The following PBRM1 variants were observed in gnomAD, a reference collection of about 807,000 sequenced individuals.
PBRM1 encodes the protein polybromo 1, also known as protein polybromo-1.
A neutral mutation model predicts 194.5 loss-of-function variants in PBRM1; 27 were observed. That is an observed-to-expected ratio of 0.14 (90% CI 0.10 to 0.19). The LOEUF (loss-of-function observed/expected upper bound fraction) is 0.19. Ranked by LOEUF, PBRM1 falls within the 10% of genes least tolerant of loss-of-function variation. The probability of loss-of-function intolerance (pLI) is 1.00; values close to 1 mark genes in which losing one functional copy is unlikely to be tolerated. For synonymous variants in PBRM1, 655 were observed against 693.2 expected (o/e 0.94, Z 0.87); for missense variants, 1,466 against 2,077.2 (o/e 0.71, Z 5.72).
intron 17 of PBRM1, among the ~76,000 whole-genome samples, chr3:52,603,124 G>A (rs2094118796): frequency 6.6e-6 from 1 of 152,140 alleles, no homozygotes; most frequent in Admixed American, 6.5e-5. Flanking sequence ...TACTTGTCTG[G>A]TCCAAAGTAT....
At chr3:52,607,834 C>T (rs900286235) in intron 16 of PBRM1, among the ~76,000 whole-genome samples, 8 of 152,154 alleles carry the variant, frequency 5.3e-5, no homozygotes, top group Non-Finnish European at 4.4e-5. Context: ...TACTCAATTG[C>T]TGAAGAACCA....
At chr3:52,651,857 CTA>C in intron 5 of PBRM1, 47 bp from the exon 7 acceptor site, 1 of 1,248,670 alleles carries the variant, frequency 8.0e-7, no homozygotes, top group Non-Finnish European at 1.2e-6. Context: ...AACTATTCAG[CTA>C]ATGAAAAGAG....
intron 3 of PBRM1, among the ~76,000 whole-genome samples, chr3:52,662,652 C>A (rs550758366): frequency 2.9e-4 from 44 of 152,020 alleles, no homozygotes; most frequent in African/African-American, 9.9e-4. Flanking sequence ...ATGGTGAAAC[C>A]CCGTCTCTAC....
exon 20 of PBRM1, chr3:52,586,529 C>T: frequency 6.2e-7 from 1 of 1,614,058 alleles, no homozygotes; most frequent in Non-Finnish European, 8.5e-7. Context: ...GCCACGCGAA[C>T]CACAGGCAGA....
intron 23 of PBRM1, 35 bp downstream of exon 25, chr3:52,564,015 A>AG: frequency 6.9e-7 from 1 of 1,442,326 alleles, no homozygotes; most frequent in East Asian, 2.3e-5. Context: ...AGTTAATGGA[A>AG]GTGCTCTTTT....
intron 6 of PBRM1, among the ~76,000 whole-genome samples, chr3:52,649,212 G>A (rs767731038): frequency 1.2e-4 from 18 of 152,108 alleles, no homozygotes; most frequent in Non-Finnish European, 2.5e-4. Context: ...CAACAACTAC[G>A]CATCCTTCTT....
chr3:52,644,761 T>A (rs772781719), exon 8 of PBRM1: 10 of 1,532,414 alleles, frequency 6.5e-6, no homozygotes, highest in African/African-American at 1.4e-5. Flanking sequence ...CTTTTTCATA[T>A]AAAATATTTT....
At chr3:52,561,854 G>A (rs2083618074) in exon 25 of PBRM1, 1 of 1,614,148 alleles carries the variant, frequency 6.2e-7, no homozygotes, top group Non-Finnish European at 8.5e-7. Context: ...TAGTCTGGGT[G>A]TTGGGCCTTA....
Position 52,581,527 on chromosome 3 carries a change from G to A in PBRM1, c.3388-2328C>T, listed in dbSNP as rs906262320. Among the ~76,000 whole-genome samples, 8 of 151,406 alleles carry A rather than the reference G, an allele frequency of 5.3e-5. No homozygotes were observed. The South Asian group carries it at 8.3e-4, about 16-fold the overall frequency. Reference sequence around the variant, plus strand: ...AAAAAAAAAAAAAAAGAATCAGAGAGGTTCCATATACATGACAGGCAAGGG... The same window carrying A: ...AAAAAAAAAAAAAAAGAATCAGAGAAGTTCCATATACATGACAGGCAAGGG... On this transcript the variant is annotated intron_variant, in intron 20 of 29. Coordinates refer to ENST00000296302, the Ensembl canonical transcript of PBRM1.
chr3:52,635,771 A>T (rs778218308), intron 10 of PBRM1, among the ~76,000 whole-genome samples: 1 of 152,224 alleles, frequency 6.6e-6, no homozygotes, highest in Non-Finnish European at 1.5e-5. Context: ...GGCCAAAAGG[A>T]GCAAGTAACC....
At chr3:52,547,507 C>T (rs149122651), downstream of PBRM1, 4 of 233,608 alleles carry the variant, frequency 1.7e-5, no homozygotes, top group East Asian at 1.2e-4. Context: ...GAAAGCACTT[C>T]ATCTGTAAGA....
At chr3:52,658,383 A>G (rs2096650459) in intron 4 of PBRM1, 68 bp from the exon 6 acceptor site, 2 of 822,256 alleles carry the variant, frequency 2.4e-6, no homozygotes, top group Non-Finnish European at 4.0e-6. Flanking sequence ...CATAGCTTCT[A>G]AAATTGTAGA....
intron 17 of PBRM1, among the ~76,000 whole-genome samples, chr3:52,595,115 A>G (rs2093428585): frequency 6.6e-6 from 1 of 152,032 alleles, no homozygotes; most frequent in Admixed American, 6.6e-5. Context: ...TGGCTTCTGA[A>G]TTGTCAGAGT....
intron 17 of PBRM1, among the ~76,000 whole-genome samples, chr3:52,595,971 G>A (rs1475023506): frequency 6.6e-6 from 1 of 152,066 alleles, no homozygotes; most frequent in Non-Finnish European, 1.5e-5. Flanking sequence ...ATTTGTTTCT[G>A]GGTTCTCTAC....
chr3:52,546,068 G>A (rs1179688004), downstream of PBRM1: 2 of 233,060 alleles, frequency 8.6e-6, no homozygotes, highest in East Asian at 1.2e-4. Flanking sequence ...AGCACCTCTA[G>A]GCACTGGGAA....
At chr3:52,586,529 C>A (rs1161005639) in exon 20 of PBRM1, 1 of 1,614,058 alleles carries the variant, frequency 6.2e-7, no homozygotes, top group South Asian at 1.1e-5. Context: ...GCCACGCGAA[C>A]CACAGGCAGA....
intron 2 of PBRM1, among the ~76,000 whole-genome samples, chr3:52,675,712 C>T (rs1194835292): frequency 8.5e-5 from 13 of 152,290 alleles, no homozygotes; most frequent in African/African-American, 2.4e-4. Context: ...AGAAACGACC[C>T]TCACATACAC....
At position 52,609,175 on chromosome 3, in the gene PBRM1, G is replaced by T; in HGVS notation, c.2567+138C>A. ...TACTCACTCTTAAGAAGTTCTGGCT[G>T]ATTAGAATTCAGAATAGCATGCTAC... On this transcript the variant is annotated intron_variant, in intron 16 of 29. Transcript: ENST00000296302. The surrounding 1 kb of genome is among the most constrained non-coding windows in gnomAD (Gnocchi z 4.1). 1 of 692,350 alleles carries T rather than the reference G, an allele frequency of 1.4e-6. No individual in the cohort carries two copies. The allele number at this position is 692,350 out of a possible 1,614,324, so 42.9% of individuals were successfully genotyped here.
chr3:52,635,109 T>C (rs922073245), intron 10 of PBRM1, among the ~76,000 whole-genome samples: 1 of 151,998 alleles, frequency 6.6e-6, no homozygotes, highest in East Asian at 1.9e-4. Flanking sequence ...GATTTTTCAG[T>C]AGAGATGGGG....
Sources: gnomAD v4.1 joint callset for allele counts (sites outside exome capture counted in the v4.1 genomes callset) on GRCh38, gnomAD v4.1.1 for gene constraint, Gnocchi (gnomAD v3.1) non-coding constraint, MANE v1.5 for transcripts, NCBI Gene and HGNC (gene_info 2026-07-23, HGNC 2026-07-21) for gene names.